The following USP32 variants were observed in gnomAD, a reference collection of about 807,000 sequenced individuals.
USP32 encodes ubiquitin specific peptidase 32, also known as ubiquitin carboxyl-terminal hydrolase 32.
Under a neutral mutation model 204.8 loss-of-function variants are expected in USP32, and 59 were observed. The observed-to-expected ratio is 0.29, with a 90% CI of 0.23 to 0.36. The LOEUF (loss-of-function observed/expected upper bound fraction) is 0.36. Ranked by LOEUF, USP32 falls within the 10% of genes least tolerant of loss-of-function variation. The pLI, the probability that USP32 is intolerant of heterozygous loss-of-function variation, is 1.00. For synonymous variants in USP32, 517 were observed against 678.4 expected (o/e 0.76, Z 3.70); for missense variants, 1,160 against 1,946.4 (o/e 0.60, Z 7.60).
intron 1 of USP32, among the ~76,000 whole-genome samples, chr17:60,388,844 T>C (rs1204208927): frequency 6.6e-6 from 1 of 152,210 alleles, no homozygotes; most frequent in Non-Finnish European, 1.5e-5. Context: ...GCTTCTAAAA[T>C]GTAACTGAAG....
intron 1 of USP32, among the ~76,000 whole-genome samples, chr17:60,368,962 G>A (rs1279098099): frequency 1.4e-5 from 2 of 147,140 alleles, no homozygotes; most frequent in African/African-American, 5.2e-5. Context: ...AAAGGAGTTA[G>A]TACACATACA....
chr17:60,300,710 T>G (rs1301402858), intron 3 of USP32, among the ~76,000 whole-genome samples: 1 of 152,190 alleles, frequency 6.6e-6, no homozygotes, highest in South Asian at 2.1e-4. Flanking sequence ...CCCATAAAAT[T>G]CACCCTTTTA....
chr17:60,179,422 G>A lies in USP32; in HGVS notation c.4648C>T (p.His1550Tyr). The change falls in exon 34 of 34, where the codon CAC becomes TAC. Residue 1550 changes from histidine to tyrosine, a missense_variant. Around this residue, in one of 8 missense-constraint regions of USP32, gnomAD observed 244 missense variants for 342.3 expected, o/e 0.71. Transcript: ENST00000300896. Reference protein sequence around the residue: ...CYNDSSCKELHPDEIDTDSAY... With the variant: ...CYNDSSCKELYPDEIDTDSAY... ...GAGTCGGTGTCAATTTCATCCGGGTGAAGTTCCTGAAAGGGCAAGAAAAAC... is the reference window on the plus strand; with the variant it reads ...GAGTCGGTGTCAATTTCATCCGGGTAAAGTTCCTGAAAGGGCAAGAAAAAC... 1.2e-6 allele frequency: 2 copies of A among 1,612,034 alleles called. No homozygotes were observed. The highest frequency in any genetic ancestry group is 1.7e-6 in the Non-Finnish European group (2 of 1,179,754).
intron 1 of USP32, among the ~76,000 whole-genome samples, chr17:60,419,557 C>T (rs2143128176): frequency 6.6e-6 from 1 of 151,884 alleles, no homozygotes; most frequent in East Asian, 2.0e-4. Context: ...ACAGTGAAAC[C>T]CCGTCTCTAC....
chr17:60,391,950 TC>T lies in USP32; in HGVS notation c.-12del. On this transcript the variant is annotated 5_prime_UTR_variant, in exon 1 of 34. Coordinates refer to ENST00000300896, the MANE Select transcript of USP32 (RefSeq NM_032582.4). ...CTCCTTGGCACCCATGCTCCCCTCA[TC>T]CCCTCGGCGGGGGGTCGGAGCCTGA... is the stretch of plus-strand genomic sequence containing the variant. 1 of 1,608,668 alleles carries T rather than the reference TC, an allele frequency of 6.2e-7. No individual in the cohort carries two copies. The highest frequency in any genetic ancestry group is 8.5e-7 in the Non-Finnish European group (1 of 1,177,878).
intron 13 of USP32, among the ~76,000 whole-genome samples, chr17:60,225,170 T>C (rs1042709775): frequency 2.6e-5 from 4 of 151,980 alleles, no homozygotes; most frequent in East Asian, 1.9e-4. Flanking sequence ...ATAGTGAAAA[T>C]AGCCGCATGT....
chr17:60,284,280 C>CT (rs1251819919), intron 5 of USP32, among the ~76,000 whole-genome samples: 1 of 145,800 alleles, frequency 6.9e-6, no homozygotes, highest in Non-Finnish European at 1.5e-5. Context: ...GTGGCATGAT[C>CT]TTGGCTCACT....
chr17:60,292,574 G>GA (rs961600337), intron 4 of USP32, among the ~76,000 whole-genome samples: 4 of 151,950 alleles, frequency 2.6e-5, no homozygotes, highest in African/African-American at 9.7e-5. Flanking sequence ...ATCAATACGA[G>GA]AAAAAATTCT....
At chr17:60,336,543 G>A (rs1330143352) in intron 2 of USP32, among the ~76,000 whole-genome samples, 7 of 140,228 alleles carry the variant, frequency 5.0e-5, no homozygotes, top group Admixed American at 2.8e-4. Flanking sequence ...GTGAAACCCC[G>A]TCTCTACTAA....
At chr17:60,314,123 T>G (rs2087917534) in intron 2 of USP32, among the ~76,000 whole-genome samples, 1 of 145,020 alleles carries the variant, frequency 6.9e-6, no homozygotes, top group Non-Finnish European at 1.5e-5. Context: ...AAAGTTATTG[T>G]GTGGCTTTTT....
chr17:60,326,577 G>A (rs2088244637), intron 2 of USP32, among the ~76,000 whole-genome samples: 1 of 152,182 alleles, frequency 6.6e-6, no homozygotes, highest in Non-Finnish European at 1.5e-5. Context: ...GGGATTAAAG[G>A]CATGAGCCAC....
At chr17:60,238,609 CCTGA>C (rs1021208340) in intron 11 of USP32, among the ~76,000 whole-genome samples, 2 of 151,868 alleles carry the variant, frequency 1.3e-5, no homozygotes, top group African/African-American at 2.4e-5. Context: ...TCGAGACCTG[CCTGA>C]CTAACATGGT....
At chr17:60,281,354 TG>T (rs2086962689) in intron 5 of USP32, among the ~76,000 whole-genome samples, 1 of 152,032 alleles carries the variant, frequency 6.6e-6, no homozygotes, top group Admixed American at 6.5e-5. Flanking sequence ...CTGGCCAATA[TG>T]GTGAAACCCC....
At chr17:60,233,448 A>C (rs2085629156) in intron 12 of USP32, among the ~76,000 whole-genome samples, 1 of 152,174 alleles carries the variant, frequency 6.6e-6, no homozygotes, top group South Asian at 2.1e-4. Context: ...CAACAAAGGA[A>C]GATCCTGTCT....
chr17:60,198,541 C>A, intron 26 of USP32, 97 bp from the exon 27 acceptor site: 2 of 1,402,390 alleles, frequency 1.4e-6, no homozygotes, highest in Non-Finnish European at 2.0e-6. Context: ...GGCACTATCA[C>A]CATTTCAAAT....
upstream of USP32, chr17:60,392,332 A>G (rs1011147760): frequency 6.8e-6 from 2 of 292,992 alleles, no homozygotes; most frequent in African/African-American, 4.6e-5. Context: ...CCCCTCCCCA[A>G]GCTAACCGCG....
At chr17:60,402,553 T>C (rs1294568442) in intron 1 of USP32, among the ~76,000 whole-genome samples, 1 of 152,090 alleles carries the variant, frequency 6.6e-6, no homozygotes, top group East Asian at 1.9e-4. Context: ...TGGTCCTTAT[T>C]GATCAGTTAT....
chr17:60,208,501 A>G (rs1852025933), intron 23 of USP32, among the ~76,000 whole-genome samples, 153 bp downstream of exon 23: 4 of 152,124 alleles, frequency 2.6e-5, no homozygotes, highest in Admixed American at 2.6e-4. Flanking sequence ...CATCTTTCAA[A>G]CCTCAAGTCA....
Position 60,280,698 on chromosome 17 carries a change from T to A in USP32, c.571+7825A>T, listed in dbSNP as rs572673249. On this transcript the variant is annotated intron_variant, in intron 5 of 33. Coordinates refer to ENST00000300896, the MANE Select transcript of USP32 (RefSeq NM_032582.4). ...AAATAAATGTCTACTTATAAATCAG[T>A]TAATAACATTCCCTATTTTTATCAC... 5.9e-5 allele frequency among the ~76,000 whole-genome samples: 9 copies of A among 152,360 alleles called. No homozygotes were observed. In the East Asian group the frequency reaches 1.7e-3, roughly 29 times the overall value.
Sources: gnomAD v4.1 joint callset for allele counts (sites outside exome capture counted in the v4.1 genomes callset) on GRCh38, gnomAD v4.1.1 for gene constraint, gnomAD v4.1.1 regional missense constraint, MANE v1.5 for transcripts, NCBI Gene and HGNC (gene_info 2026-07-23, HGNC 2026-07-21) for gene names.